Variants in PTPN4 observed in about 807,000 individuals in gnomAD.
PTPN4 encodes the protein tyrosine-protein phosphatase non-receptor type 4.
A neutral mutation model predicts 135.5 loss-of-function variants in PTPN4; 49 were observed. The observed-to-expected ratio is 0.36, with a 90% CI of 0.29 to 0.46. PTPN4 has a LOEUF of 0.46. Ranked by LOEUF, PTPN4 falls within the 20% of genes least tolerant of loss-of-function variation. The probability of loss-of-function intolerance (pLI) is 1.00; values close to 1 mark genes in which losing one functional copy is unlikely to be tolerated. For synonymous variants in PTPN4, 333 were observed against 369.9 expected, an observed-to-expected ratio of 0.90 and a Z score of 1.14; for missense variants, 860 against 1,101.0, an observed-to-expected ratio of 0.78 and a Z score of 3.10.
chr2:119,829,905 G>A (rs1677195760), intron 2 of PTPN4, among the ~76,000 whole-genome samples: 1 of 152,036 alleles, frequency 6.6e-6, no homozygotes, highest in Non-Finnish European at 1.5e-5. Flanking sequence ...GTTTTACATG[G>A]TGTCTGCACC....
intron 2 of PTPN4, among the ~76,000 whole-genome samples, chr2:119,826,763 C>T (rs1047415006): frequency 3.3e-5 from 5 of 152,144 alleles, no homozygotes; most frequent in Admixed American, 6.6e-5. Flanking sequence ...TGGTTGCTCA[C>T]GCTTGTAATC....
intron 25 of PTPN4, 42 bp from the exon 26 acceptor site, chr2:119,967,795 G>C: frequency 6.6e-7 from 1 of 1,505,976 alleles, no homozygotes; most frequent in African/African-American, 1.4e-5. Flanking sequence ...TAGTTTAACA[G>C]AATAGTATCG....
chr2:119,846,060 A>G (rs1171438573), intron 2 of PTPN4, among the ~76,000 whole-genome samples: 1 of 152,190 alleles, frequency 6.6e-6, no homozygotes, highest in Non-Finnish European at 1.5e-5. Context: ...TATGTTGGGT[A>G]TTATTTCAGT....
intron 9 of PTPN4, among the ~76,000 whole-genome samples, chr2:119,893,387 T>G (rs576642516): frequency 6.6e-6 from 1 of 152,294 alleles, no homozygotes; most frequent in Non-Finnish European, 1.5e-5. Context: ...AGAAGTAGAT[T>G]TAGTAGAAGC....
chr2:119,773,596 C>T (rs112646791), intron 1 of PTPN4, among the ~76,000 whole-genome samples: 8 of 151,956 alleles, frequency 5.3e-5, no homozygotes, highest in South Asian at 2.1e-4. Flanking sequence ...ATTTGCTGGG[C>T]GTGGTGGCGC....
At chr2:119,879,323 G>A (rs944641271) in intron 5 of PTPN4, among the ~76,000 whole-genome samples, 9 of 152,194 alleles carry the variant, frequency 5.9e-5, no homozygotes, top group African/African-American at 2.2e-4. Flanking sequence ...TGAAATAACT[G>A]CCTGAAGCAG....
At chr2:119,967,806 G>A in intron 25 of PTPN4, 31 bp from the exon 26 acceptor site, 1 of 1,543,108 alleles carries the variant, frequency 6.5e-7, no homozygotes, top group South Asian at 1.3e-5. Context: ...AATAGTATCG[G>A]TAAGATCTTG....
intron 19 of PTPN4, among the ~76,000 whole-genome samples, chr2:119,954,050 T>C (rs1038184765): frequency 2.0e-5 from 3 of 152,224 alleles, no homozygotes; most frequent in Non-Finnish European, 4.4e-5. Context: ...TTTCATATAA[T>C]TAAAATTTAA....
rs1182390716 is a variant in PTPN4 at position 119,953,739 on chromosome 2, A to G, written c.1814-1418A>G. On this transcript the variant is annotated intron_variant, in intron 19 of 26. Transcript: ENST00000263708. ...ATATTTTCATTTAATCCTCATAGACATCCAATGAGATTGATGAATTATCCC... is the reference window on the plus strand; with the variant it reads ...ATATTTTCATTTAATCCTCATAGACGTCCAATGAGATTGATGAATTATCCC... 2.0e-5 allele frequency among the ~76,000 whole-genome samples: 3 copies of G among 152,178 alleles called. No individual in the cohort carries two copies. In the East Asian group the frequency reaches 5.8e-4, roughly 29 times the overall value.
chr2:119,973,034 A>G (rs1010594857), intron 26 of PTPN4, among the ~76,000 whole-genome samples: 3 of 152,170 alleles, frequency 2.0e-5, no homozygotes, highest in African/African-American at 4.8e-5. Flanking sequence ...TACACATAAC[A>G]TAAAATTTAC....
chr2:119,848,283 C>G (rs1316283332), intron 2 of PTPN4, among the ~76,000 whole-genome samples: 1 of 151,636 alleles, frequency 6.6e-6, no homozygotes, highest in Non-Finnish European at 1.5e-5. Context: ...ACACCATTCT[C>G]CCGCCTCAGC....
chr2:119,972,654 T>G (rs979313520), intron 26 of PTPN4, among the ~76,000 whole-genome samples: 3 of 152,094 alleles, frequency 2.0e-5, no homozygotes, highest in Non-Finnish European at 4.4e-5. Context: ...AGAGGGACAG[T>G]TTTTAGATTT....
intron 20 of PTPN4, among the ~76,000 whole-genome samples, chr2:119,956,611 T>G (rs994297741): frequency 1.4e-4 from 22 of 152,202 alleles, no homozygotes; most frequent in African/African-American, 5.1e-4. Context: ...AGAATTGGTT[T>G]CACTAGTTTT....
intron 2 of PTPN4, among the ~76,000 whole-genome samples, chr2:119,816,754 A>G (rs1676992874): frequency 6.6e-6 from 1 of 152,190 alleles, no homozygotes; most frequent in African/African-American, 2.4e-5. Context: ...CACTTCAGAA[A>G]ACACTGCTTC....
intron 2 of PTPN4, among the ~76,000 whole-genome samples, chr2:119,829,071 G>C (rs747106810): frequency 3.0e-4 from 46 of 152,084 alleles, no homozygotes; most frequent in Non-Finnish European, 6.0e-4. Flanking sequence ...CCATATATTT[G>C]TTGACCATTT....
intron 1 of PTPN4, among the ~76,000 whole-genome samples, chr2:119,773,662 G>C (rs1045499271): frequency 6.6e-6 from 1 of 150,814 alleles, no homozygotes; most frequent in Admixed American, 6.6e-5. Flanking sequence ...CTTGAACCCA[G>C]GAGGCAGAGG....
chr2:119,879,798 C>T (rs1254515706), intron 5 of PTPN4, among the ~76,000 whole-genome samples: 14 of 152,004 alleles, frequency 9.2e-5, no homozygotes, highest in Admixed American at 9.2e-4. Flanking sequence ...ACCTCCTTAC[C>T]TTGAGATTTC....
At chr2:119,961,167 A>C (rs1679359649) in intron 23 of PTPN4, among the ~76,000 whole-genome samples, 1 of 152,228 alleles carries the variant, frequency 6.6e-6, no homozygotes, top group African/African-American at 2.4e-5. Context: ...TGTCATTGTT[A>C]TTTAAAGGGA....
At position 119,858,779 on chromosome 2, in the gene PTPN4, C is replaced by T. The variant is rs532227345; in HGVS notation, c.139-3757C>T. Among the ~76,000 whole-genome samples the T allele has an allele frequency of 7.2e-5, 11 of 151,956 alleles. No individual in the cohort carries two copies. In the East Asian group the frequency reaches 1.4e-3, roughly 19 times the overall value. ...TCCCGGGTAGCTGGGACTACAGGCA[C>T]GTGCCACCATGCCCGGCTAATTTTT... On this transcript the variant is annotated intron_variant, in intron 2 of 26. Coordinates refer to ENST00000263708, the MANE Select transcript of PTPN4 (RefSeq NM_002830.4).
Sources: gnomAD v4.1 joint callset for allele counts (sites outside exome capture counted in the v4.1 genomes callset) on GRCh38, gnomAD v4.1.1 for gene constraint, MANE v1.5 for transcripts, NCBI Gene and HGNC (gene_info 2026-07-23, HGNC 2026-07-21) for gene names.